The following PTCHD4 variants were observed in gnomAD, a reference collection of about 807,000 sequenced individuals.
PTCHD4 encodes the protein patched domain containing 4, also known as patched domain-containing protein 4.
Under a neutral mutation model 58.1 loss-of-function variants are expected in PTCHD4, and 33 were observed. The ratio of observed to expected loss-of-function variants is 0.57; its 90% confidence interval spans 0.43 to 0.76. PTCHD4 has a LOEUF of 0.76. Among genes scored for constraint, PTCHD4 ranks in the 30% least tolerant of loss-of-function variants. PTCHD4 has a pLI of 0.00. For missense variants in PTCHD4, 1,058 were observed against 1,027.1 expected (o/e 1.03, Z -0.41); for synonymous variants, 478 against 409.6 (o/e 1.17, Z -2.02).
At chr6:48,096,659 G>C (rs544475085) in intron 1 of PTCHD4, among the ~76,000 whole-genome samples, 27 of 151,502 alleles carry the variant, frequency 1.8e-4, no homozygotes, top group Non-Finnish European at 3.5e-4. Flanking sequence ...CATTGTGCTT[G>C]AAGAAGAAAC....
chr6:47,961,712 T>C (rs1267317218), intron 4 of PTCHD4, among the ~76,000 whole-genome samples: 1 of 152,166 alleles, frequency 6.6e-6, no homozygotes, highest in Non-Finnish European at 1.5e-5. Flanking sequence ...AAAAAAGAAA[T>C]TATTTTAAAC....
At chr6:47,936,398 C>T (rs1443986958) in intron 4 of PTCHD4, among the ~76,000 whole-genome samples, 2 of 152,110 alleles carry the variant, frequency 1.3e-5, no homozygotes, top group South Asian at 2.1e-4. Context: ...TTTTATGGTC[C>T]CTTCTTTATT....
chr6:48,064,880 G>A (rs544478771), intron 3 of PTCHD4, among the ~76,000 whole-genome samples: 1 of 152,278 alleles, frequency 6.6e-6, no homozygotes, highest in East Asian at 1.9e-4. Flanking sequence ...TCATATAGAT[G>A]TAGGGATTTA....
chr6:48,094,624 C>T (rs1035477022), intron 1 of PTCHD4, among the ~76,000 whole-genome samples: 4 of 152,102 alleles, frequency 2.6e-5, no homozygotes, highest in African/African-American at 9.7e-5. Context: ...TCCTTCCTTT[C>T]CAAGATATGT....
intron 4 of PTCHD4, among the ~76,000 whole-genome samples, chr6:47,989,524 G>A (rs918398350): frequency 2.0e-5 from 3 of 152,266 alleles, no homozygotes; most frequent in Admixed American, 6.5e-5. Context: ...GTGAAGTCTA[G>A]GTACTTGGTT....
intron 4 of PTCHD4, among the ~76,000 whole-genome samples, chr6:47,905,747 G>A (rs957276324): frequency 1.3e-5 from 2 of 152,170 alleles, no homozygotes; most frequent in Admixed American, 1.3e-4. Flanking sequence ...GAATGCCCTC[G>A]ATCATGTCAC....
intron 4 of PTCHD4, among the ~76,000 whole-genome samples, chr6:47,952,733 C>T (rs924920186): frequency 3.3e-5 from 5 of 152,050 alleles, no homozygotes; most frequent in Non-Finnish European, 7.4e-5. Context: ...GAGCAATAGG[C>T]TATAGCATAT....
intron 1 of PTCHD4, among the ~76,000 whole-genome samples, chr6:48,082,416 A>G (rs919780045): frequency 1.3e-5 from 2 of 152,206 alleles, no homozygotes; most frequent in Admixed American, 6.5e-5. Context: ...GAACTGGAAT[A>G]ATTTCCTGAT....
At chr6:48,084,683 G>T (rs374424975) in intron 1 of PTCHD4, among the ~76,000 whole-genome samples, 3 of 150,750 alleles carry the variant, frequency 2.0e-5, no homozygotes, top group Non-Finnish European at 4.4e-5. Flanking sequence ...TTTCAAAACC[G>T]CTCAGTGTTT....
At chr6:47,884,565 C>T (rs1561938853) in intron 4 of PTCHD4, among the ~76,000 whole-genome samples, 1 of 152,206 alleles carries the variant, frequency 6.6e-6, no homozygotes, top group Non-Finnish European at 1.5e-5. Context: ...ACATGCCCCA[C>T]TGAATGATGA....
In PTCHD4 at chr6:48,068,227, C is replaced by T; in HGVS notation, c.417+3G>A. On this transcript the variant is annotated splice_donor_region_variant and intron_variant, in intron 3 of 4. Transcript: ENST00000339488. The surrounding 1 kb of genome is among the most constrained non-coding windows in gnomAD (Gnocchi z 4.2). ...AAGTATAATTATAGCCCTTGTGGTT[C>T]ACCTTCATTTCCAGCACGGCTCGGT... 3 of 1,556,308 alleles carry T rather than the reference C, an allele frequency of 1.9e-6. No homozygotes were observed. The highest frequency in any genetic ancestry group is 2.6e-6 in the Non-Finnish European group (3 of 1,150,450).
chr6:47,958,899 A>AGC (rs1766974458), intron 4 of PTCHD4, among the ~76,000 whole-genome samples: 1 of 152,162 alleles, frequency 6.6e-6, no homozygotes, highest in African/African-American at 2.4e-5. Context: ...GCTCTAGATG[A>AGC]GCATTGCTCT....
At chr6:47,939,722 T>C (rs1766137884) in intron 4 of PTCHD4, among the ~76,000 whole-genome samples, 1 of 152,062 alleles carries the variant, frequency 6.6e-6, no homozygotes, top group Non-Finnish European at 1.5e-5. Context: ...GTTGGGAGGA[T>C]GTATGAGTTA....
At chr6:48,071,136 C>T (rs879393552) in intron 1 of PTCHD4, among the ~76,000 whole-genome samples, 14 of 152,180 alleles carry the variant, frequency 9.2e-5, no homozygotes, top group Non-Finnish European at 1.5e-4. Flanking sequence ...TCATTTCCTT[C>T]GGTAGCATCA....
At chr6:47,883,532 T>C (rs577496432) in intron 4 of PTCHD4, among the ~76,000 whole-genome samples, 1 of 152,334 alleles carries the variant, frequency 6.6e-6, no homozygotes, top group Non-Finnish European at 1.5e-5. Flanking sequence ...AAATGCTAGA[T>C]ATTACTAGGA....
At chr6:47,883,083 G>A (rs1764070875) in intron 4 of PTCHD4, among the ~76,000 whole-genome samples, 1 of 151,658 alleles carries the variant, frequency 6.6e-6, no homozygotes, top group South Asian at 2.1e-4. Flanking sequence ...AATATCGATT[G>A]TATCCAGAAG....
chr6:47,938,119 C>CT (rs1466784225), intron 4 of PTCHD4, among the ~76,000 whole-genome samples: 1 of 152,110 alleles, frequency 6.6e-6, no homozygotes, highest in African/African-American at 2.4e-5. Context: ...CACCACTGCA[C>CT]TCCAGCCTGG....
intron 1 of PTCHD4, among the ~76,000 whole-genome samples, chr6:48,077,970 C>T (rs572861344): frequency 6.6e-6 from 1 of 152,068 alleles, no homozygotes; most frequent in African/African-American, 2.4e-5. Flanking sequence ...AAAGTGAGCA[C>T]ATGCTGTTAA....
chr6:47,981,809 T>G (rs1767891169), intron 4 of PTCHD4, among the ~76,000 whole-genome samples: 2 of 152,188 alleles, frequency 1.3e-5, no homozygotes, highest in Admixed American at 1.3e-4. Context: ...AAATGGTTTG[T>G]GGAGACCCTT....
Sources: allele counts gnomAD v4.1 joint callset (sites outside exome capture counted in the v4.1 genomes callset), GRCh38; gene constraint gnomAD v4.1.1; non-coding constraint Gnocchi (gnomAD v3.1); transcripts MANE v1.5; gene names NCBI Gene and HGNC (gene_info 2026-07-23, HGNC 2026-07-21).